ZNF326: variants seen among roughly 807,000 people sequenced by gnomAD.
The protein encoded by ZNF326 is DBIRD complex subunit ZNF326.
In ZNF326, 30 loss-of-function variants were observed where a neutral mutation model predicts 63.1. The ratio of observed to expected loss-of-function variants is 0.48; its 90% CI spans 0.36 to 0.64. The LOEUF is 0.64. Ranked by LOEUF, ZNF326 falls within the 30% of genes least tolerant of loss-of-function variation. The probability of loss-of-function intolerance (pLI) is 0.00; values close to 1 mark genes in which losing one functional copy is unlikely to be tolerated. For missense variants in ZNF326, 609 were observed against 720.3 expected (o/e 0.85, Z 1.77); for synonymous variants, 194 against 228.2 (o/e 0.85, Z 1.35).
At chr1:89,996,216 G>A (rs1444054865) in intron 1 of ZNF326, among the ~76,000 whole-genome samples, 1 of 152,178 alleles carries the variant, frequency 6.6e-6, no homozygotes, top group African/African-American at 2.4e-5. Flanking sequence ...AGGGAGACAT[G>A]GGAAAGGACT....
chr1:90,003,772 A>G (rs930690479), intron 2 of ZNF326, among the ~76,000 whole-genome samples: 5 of 152,216 alleles, frequency 3.3e-5, no homozygotes, highest in Admixed American at 1.3e-4. Flanking sequence ...TTTGGACGTC[A>G]GTTCCCCAGA....
At chr1:89,998,351 A>G (rs913852524) in intron 2 of ZNF326, among the ~76,000 whole-genome samples, 197 bp downstream of exon 2, 1 of 149,106 alleles carries the variant, frequency 6.7e-6, no homozygotes, top group Admixed American at 6.7e-5. Flanking sequence ...CATTAGTTTG[A>G]TTTTTTTTTT....
chr1:89,998,619 A>G (rs560424316), intron 2 of ZNF326, among the ~76,000 whole-genome samples: 1 of 152,320 alleles, frequency 6.6e-6, no homozygotes, highest in East Asian at 1.9e-4. Context: ...AGAGGAGCAC[A>G]TGAAGAAGCT....
chr1:90,018,368 G>A (rs1413457851), intron 8 of ZNF326, among the ~76,000 whole-genome samples: 1 of 151,464 alleles, frequency 6.6e-6, no homozygotes. Flanking sequence ...ACAATCTTCT[G>A]TAATTTATTT....
chr1:90,002,362 A>G (rs373069804), intron 2 of ZNF326, among the ~76,000 whole-genome samples: 2 of 152,192 alleles, frequency 1.3e-5, no homozygotes, highest in African/African-American at 2.4e-5. Context: ...CAAAAAACTA[A>G]AGGTTTTAAT....
At chr1:90,005,436 A>G (rs779363653) in intron 4 of ZNF326, 192 bp downstream of exon 4, 81 of 1,317,720 alleles carry the variant, frequency 6.1e-5, no homozygotes, top group Non-Finnish European at 7.6e-5. Flanking sequence ...ACGTTATTTT[A>G]GGAAAACACC....
At chr1:90,021,520 GTCT>G (rs1649773096) in intron 10 of ZNF326, among the ~76,000 whole-genome samples, 1 of 152,018 alleles carries the variant, frequency 6.6e-6, no homozygotes, top group South Asian at 2.1e-4. Context: ...AAAATTTACT[GTCT>G]TCTTTTTGGT....
chr1:90,021,205 C>A (rs1239952222), intron 10 of ZNF326, among the ~76,000 whole-genome samples: 1 of 151,930 alleles, frequency 6.6e-6, no homozygotes, highest in East Asian at 1.9e-4. Context: ...TCATTCTACT[C>A]TTATCTGATT....
At position 90,033,913 on chromosome 1, in the gene ZNF326, T is replaced by A. The variant is rs1650383515; in HGVS notation, c.*6212T>A. ...TTACAGTATAAATATATAGAGGAGT[T>A]CCAGAAAGTGAAAAAAGAAGTGAAG... On this transcript the variant is annotated 3_prime_UTR_variant, in exon 12 of 12. Transcript: ENST00000340281. The A allele has an allele frequency of 6.6e-6, 1 of 150,470 alleles. No individual in the cohort carries two copies. Among genetic ancestry groups the A allele is most frequent in the African/African-American group, 2.5e-5 (1 of 40,632 alleles). The allele number at this position is 150,470 out of a possible 1,614,324, so 9.3% of individuals were successfully genotyped here. A position where few individuals can be genotyped will look rare whatever the true frequency, so the allele number is the denominator to read the frequency against.
At position 89,998,156 on chromosome 1, in the gene ZNF326, T is replaced by C; in HGVS notation, c.61+2T>C. The C allele has an allele frequency of 6.2e-7, 1 of 1,613,004 alleles. No homozygotes were observed. The highest frequency in any genetic ancestry group is 8.5e-7 in the Non-Finnish European group (1 of 1,179,766). On this transcript the variant is annotated splice_donor_variant, in intron 2 of 11. Transcript: ENST00000340281. LOFTEE classifies it high-confidence loss of function. ...GGAATACTTATCAGGGCTTTAATGGTAAGTATCCTCTTTCAGCTTTTCTCT... is the reference window on the plus strand; with the variant it reads ...GGAATACTTATCAGGGCTTTAATGGCAAGTATCCTCTTTCAGCTTTTCTCT...
intron 6 of ZNF326, among the ~76,000 whole-genome samples, chr1:90,011,100 T>G (rs1649210617): frequency 6.6e-6 from 1 of 152,226 alleles, no homozygotes; most frequent in Non-Finnish European, 1.5e-5. Flanking sequence ...TGCAAAAGTT[T>G]GATAAAGAAA....
chr1:90,017,449 T>A lies in ZNF326; in HGVS notation c.1059T>A (p.Val353=). Residue 353 remains valine (V), a synonymous_variant, in exon 8 of 12, where the codon GTT becomes GTA. Transcript: ENST00000340281. ...AACAAACTAAATTTGATAAAGTAGT[T>A]ATGGAGTTTTTGCATGTGAGTAGCT... ...IQKQTKFDKV[V]MEFLHECMVN... 6.3e-7 allele frequency: 1 copy of A among 1,586,976 alleles called. No homozygotes were observed. Among genetic ancestry groups the A allele is most frequent in the Non-Finnish European group, 8.5e-7 (1 of 1,172,512 alleles).
chr1:90,027,214 C>A, intron 11 of ZNF326, 140 bp from the exon 12 acceptor site: 1 of 781,360 alleles, frequency 1.3e-6, no homozygotes, highest in Non-Finnish European at 2.1e-6. Flanking sequence ...TCAACAAATA[C>A]TTAATGAATT....
Position 90,027,794 on chromosome 1 carries a change from C to A in ZNF326, c.*93C>A, listed in dbSNP as rs1433850456. On this transcript the variant is annotated 3_prime_UTR_variant, in exon 12 of 12. Transcript: ENST00000340281. ...AATAGCTTAAAATATGAATTAACAC[C>A]CATGTTGCATGCATTCCACATATTA... 2.5e-6 allele frequency: 3 copies of A among 1,187,732 alleles called. No homozygotes were observed. The African/African-American group carries it at 4.6e-5, about 18-fold the overall frequency. 73.6% of individuals were successfully genotyped at this position (1,187,732 alleles called of 1,614,324 possible). A position where few individuals can be genotyped will look rare whatever the true frequency, so the allele number is the denominator to read the frequency against.
chr1:90,026,085 T>C (rs1252459341), intron 11 of ZNF326, among the ~76,000 whole-genome samples: 1 of 152,124 alleles, frequency 6.6e-6, no homozygotes, highest in African/African-American at 2.4e-5. Context: ...TGTCTCAGTT[T>C]CCTGAGTAGC....
At chr1:89,998,200 A>G in intron 2 of ZNF326, 46 bp downstream of exon 2, 1 of 1,592,500 alleles carries the variant, frequency 6.3e-7, no homozygotes, top group South Asian at 1.1e-5. Context: ...ATAAAAATAT[A>G]GTATCAATGT....
intron 9 of ZNF326, 29 bp downstream of exon 9, chr1:90,018,813 A>G (rs1253068859): frequency 7.6e-7 from 1 of 1,313,370 alleles, no homozygotes; most frequent in East Asian, 2.4e-5. Flanking sequence ...TTATTTTAAA[A>G]TTCTACATGT....
In ZNF326 at chr1:90,028,925, C is replaced by G. The variant is rs1338291098; in HGVS notation, c.*1224C>G. Reference sequence around the variant, plus strand: ...CTCAAGCGATCCTCCAACTTAGCCTCCCAAGTAGCTGGGACTGTTAAGTGT... The same window carrying G: ...CTCAAGCGATCCTCCAACTTAGCCTGCCAAGTAGCTGGGACTGTTAAGTGT... On this transcript the variant is annotated 3_prime_UTR_variant, in exon 12 of 12. Coordinates refer to ENST00000340281, the MANE Select transcript of ZNF326 (RefSeq NM_182976.4). 1 of 151,754 alleles carries G rather than the reference C, an allele frequency of 6.6e-6. No individual in the cohort carries two copies. Among genetic ancestry groups the G allele is most frequent in the African/African-American group, 2.4e-5 (1 of 41,240 alleles). 9.4% of individuals were successfully genotyped at this position (151,754 alleles called of 1,614,324 possible).
At position 90,007,852 on chromosome 1, in the gene ZNF326, G is replaced by A. The variant is rs1649060092; in HGVS notation, c.615+102G>A. 8.7e-7 allele frequency: 1 copy of A among 1,152,348 alleles called. No homozygotes were observed. The highest frequency in any genetic ancestry group is 3.6e-5 in the South Asian group (1 of 27,980). The allele number at this position is 1,152,348 out of a possible 1,614,324, so 71.4% of individuals were successfully genotyped here. A position where few individuals can be genotyped will look rare whatever the true frequency, so the allele number is the denominator to read the frequency against. ...TAGAATAAACACTGTTCATCCCGGTGTATTTTGAAGCAAAAGCTGAGTCAT... is the reference window on the plus strand; with the variant it reads ...TAGAATAAACACTGTTCATCCCGGTATATTTTGAAGCAAAAGCTGAGTCAT... On this transcript the variant is annotated intron_variant, in intron 5 of 11. Coordinates refer to ENST00000340281, the MANE Select transcript of ZNF326 (RefSeq NM_182976.4). The surrounding 1 kb of genome is among the most constrained non-coding windows in gnomAD (Gnocchi z 4.9).
Sources: gnomAD v4.1 joint callset for allele counts (sites outside exome capture counted in the v4.1 genomes callset) on GRCh38, gnomAD v4.1.1 for gene constraint, Gnocchi (gnomAD v3.1) non-coding constraint, MANE v1.5 for transcripts, NCBI Gene and HGNC (gene_info 2026-07-23, HGNC 2026-07-21) for gene names.